The following RBFOX1 variants were observed in gnomAD, a reference collection of about 807,000 sequenced individuals.
RBFOX1 encodes RNA binding protein fox-1 homolog 1.
A neutral mutation model predicts 57.7 loss-of-function variants in RBFOX1; 8 were observed. That is an observed-to-expected ratio of 0.14 (90% confidence interval 0.08 to 0.25). The LOEUF is 0.25. Among genes scored for constraint, RBFOX1 ranks in the 10% least tolerant of loss-of-function variants. The pLI is 1.00. For missense variants in RBFOX1, 611 were observed against 548.5 expected (o/e 1.11, Z -1.14); for synonymous variants, 326 against 222.4 (o/e 1.47, Z -4.15).
chr16:7,626,891 G>T (rs970604557), intron 10 of RBFOX1, among the ~76,000 whole-genome samples: 1 of 152,118 alleles, frequency 6.6e-6, no homozygotes. Flanking sequence ...TAGGTGTTGG[G>T]GATGAAAAGA....
chr16:6,881,315 C>T (rs1456073314), intron 3 of RBFOX1, among the ~76,000 whole-genome samples: 3 of 152,154 alleles, frequency 2.0e-5, no homozygotes, highest in African/African-American at 4.8e-5. Flanking sequence ...TATTAGTTTG[C>T]TTGGACTGCC....
chr16:7,003,662 C>T (rs1015343046), intron 3 of RBFOX1, among the ~76,000 whole-genome samples: 1 of 152,006 alleles, frequency 6.6e-6, no homozygotes, highest in South Asian at 2.1e-4. Context: ...ATACATGTAG[C>T]ATCAAAGGAA....
At chr16:5,518,485 C>G (rs2043880038) in intron 2 of RBFOX1, among the ~76,000 whole-genome samples, 1 of 152,210 alleles carries the variant, frequency 6.6e-6, no homozygotes, top group Non-Finnish European at 1.5e-5. Flanking sequence ...ACCATATGTG[C>G]TCAAGCATGC....
intron 3 of RBFOX1, among the ~76,000 whole-genome samples, chr16:5,750,925 C>T (rs1247932990): frequency 1.3e-5 from 2 of 152,226 alleles, no homozygotes; most frequent in African/African-American, 2.4e-5. Flanking sequence ...CTGGGAAATT[C>T]AGAAATTACC....
intron 2 of RBFOX1, among the ~76,000 whole-genome samples, chr16:5,519,106 C>CA (rs150326766): frequency 0.015 from 2,357 of 152,272 alleles, 33 homozygotes; most frequent in Middle Eastern, 0.044. Flanking sequence ...GAAAACCTTG[C>CA]GGACATCTTG....
intron 4 of RBFOX1, among the ~76,000 whole-genome samples, chr16:7,517,445 A>C (rs2152152642): frequency 6.6e-6 from 1 of 152,142 alleles, no homozygotes; most frequent in African/African-American, 2.4e-5. Context: ...GAAATGCTTA[A>C]AATGGGGATG....
At chr16:5,683,761 T>C (rs1297018761) in intron 3 of RBFOX1, among the ~76,000 whole-genome samples, 1 of 148,304 alleles carries the variant, frequency 6.7e-6, no homozygotes, top group African/African-American at 2.5e-5. Flanking sequence ...ATATATAATA[T>C]ATAATATATA....
chr16:7,321,051 TTATC>T (rs201087642), intron 4 of RBFOX1, among the ~76,000 whole-genome samples: 112 of 117,198 alleles, frequency 9.6e-4, no homozygotes, highest in Middle Eastern at 8.5e-3. Context: ...ACCAGAGAAA[TTATC>T]TATCTATCTG....
At chr16:6,264,934 C>T (rs7188257) in intron 1 of RBFOX1, among the ~76,000 whole-genome samples, 82,321 of 152,032 alleles carry the variant, frequency 0.54, 25,763 homozygotes, top group East Asian at 0.81. Flanking sequence ...AGCGAAGGAA[C>T]TCCGAGTTCT....
At chr16:6,700,925 A>T (rs757317212) in intron 3 of RBFOX1, among the ~76,000 whole-genome samples, 1 of 152,146 alleles carries the variant, frequency 6.6e-6, no homozygotes, top group African/African-American at 2.4e-5. Context: ...GGACTACTTA[A>T]CCATTGTTCG....
intron 3 of RBFOX1, among the ~76,000 whole-genome samples, chr16:6,906,324 A>T (rs148748577): frequency 2.0e-5 from 3 of 151,948 alleles, no homozygotes; most frequent in Admixed American, 6.6e-5. Context: ...ATTGTATTCA[A>T]TTGTGTCTCA....
intron 4 of RBFOX1, among the ~76,000 whole-genome samples, chr16:7,496,747 G>GGAAAA (rs373032267): frequency 0.016 from 1,988 of 127,460 alleles, 62 homozygotes; most frequent in African/African-American, 0.055. Context: ...CTACAGAACA[G>GGAAAA]AAAAAAAAAA....
intron 4 of RBFOX1, among the ~76,000 whole-genome samples, chr16:7,325,388 G>T (rs981337673): frequency 6.6e-6 from 1 of 152,154 alleles, no homozygotes; most frequent in African/African-American, 2.4e-5. Flanking sequence ...GGTTTAATGT[G>T]AGCTCTTAAC....
chr16:6,544,911 T>C (rs1303494594), intron 2 of RBFOX1, among the ~76,000 whole-genome samples: 1 of 152,232 alleles, frequency 6.6e-6, no homozygotes, highest in Non-Finnish European at 1.5e-5. Context: ...TGTCTGCTTT[T>C]TATGATTATT....
At chr16:6,464,587 T>A (rs17140295) in intron 2 of RBFOX1, among the ~76,000 whole-genome samples, 13,660 of 152,258 alleles carry the variant, frequency 0.09, 706 homozygotes, top group Middle Eastern at 0.12. Context: ...CCTTTTAAAT[T>A]AATACCATTG....
chr16:6,017,411 C>T (rs73522136), upstream of RBFOX1, among the ~76,000 whole-genome samples: 4,608 of 152,114 alleles, frequency 0.03, 251 homozygotes, highest in African/African-American at 0.11. Flanking sequence ...CATTTAAATT[C>T]GGCGGTTTTC....
At chr16:5,718,614 CT>C (rs1187847254) in intron 3 of RBFOX1, among the ~76,000 whole-genome samples, 2 of 152,214 alleles carry the variant, frequency 1.3e-5, no homozygotes, top group African/African-American at 2.4e-5. Flanking sequence ...CTGTGTTAAA[CT>C]TTCTGGCCTG....
intron 1 of RBFOX1, among the ~76,000 whole-genome samples, chr16:5,439,106 T>C (rs2068005412): frequency 6.6e-6 from 1 of 151,952 alleles, no homozygotes; most frequent in African/African-American, 2.4e-5. Flanking sequence ...GACTTGTATC[T>C]TGGGAAGAAG....
intron 3 of RBFOX1, among the ~76,000 whole-genome samples, chr16:6,885,679 C>T (rs1348103566): frequency 6.6e-6 from 1 of 151,810 alleles, no homozygotes; most frequent in Non-Finnish European, 1.5e-5. Context: ...TTACAGGCCC[C>T]TGCCACCACA....
Sources: gnomAD v4.1 joint callset for allele counts (sites outside exome capture counted in the v4.1 genomes callset) on GRCh38, gnomAD v4.1.1 for gene constraint, MANE v1.5 for transcripts, NCBI Gene and HGNC (gene_info 2026-07-23, HGNC 2026-07-21) for gene names.